The following IFT70B variants were observed in gnomAD, a reference collection of about 807,000 sequenced individuals.
IFT70B encodes intraflagellar transport protein 70B.
At chr2:177,550,396 TTATTTA>T in the IFT70B span, 3 of 160,796 alleles carry the variant, frequency 1.9e-5, no homozygotes, top group Non-Finnish European at 4.0e-5. Context: ...CCTGAAATGA[TTATTTA>T]AAGACTACTC....
chr2:177,550,912 G>A, the IFT70B span: 1 of 1,614,096 alleles, frequency 6.2e-7, no homozygotes, highest in East Asian at 2.2e-5. Context: ...AGTTCACAGT[G>A]TTCTAGAAAC....
chr2:177,551,186 C>G, the IFT70B span: 1 of 1,613,780 alleles, frequency 6.2e-7, no homozygotes, highest in Non-Finnish European at 8.5e-7. Flanking sequence ...GCTCTTCCTC[C>G]TTTTCAATCT....
the IFT70B span, chr2:177,551,548 C>A: frequency 6.2e-7 from 1 of 1,614,232 alleles, no homozygotes; most frequent in South Asian, 1.1e-5. Flanking sequence ...ATAGCTTCAT[C>A]ATCTCTATTG....
At chr2:177,551,914 C>T in the IFT70B span, 28 of 1,614,092 alleles carry the variant, frequency 1.7e-5, no homozygotes, top group South Asian at 2.3e-4. Context: ...GGGTCCAACT[C>T]TTCCTCTGCC....
chr2:177,550,577 G>A, the IFT70B span: 2 of 490,378 alleles, frequency 4.1e-6, no homozygotes, highest in Non-Finnish European at 6.9e-6. Context: ...CATAACTCCT[G>A]GGGTAAAAGT....
chr2:177,551,233 T>C, the IFT70B span: 1 of 1,613,888 alleles, frequency 6.2e-7, no homozygotes, highest in Non-Finnish European at 8.5e-7. Context: ...TTTTGACTTG[T>C]CATAATATAG....
the IFT70B span, chr2:177,551,582 G>C: frequency 3.7e-6 from 6 of 1,614,100 alleles, no homozygotes; most frequent in Non-Finnish European, 5.1e-6. Flanking sequence ...GTACTTGTAT[G>C]GTAAGTTTCC....
chr2:177,550,823 T>C, the IFT70B span: 1 of 1,614,098 alleles, frequency 6.2e-7, no homozygotes, highest in Admixed American at 1.7e-5. Flanking sequence ...TAGACTCATA[T>C]GTGACTGTAT....
At chr2:177,551,715 A>G in the IFT70B span, 159 of 1,614,024 alleles carry the variant, frequency 9.9e-5, no homozygotes, top group Admixed American at 9.5e-4. Context: ...GAACTTATAA[A>G]TCAAATGGGC....
chr2:177,552,282 C>T, the IFT70B span: 855 of 1,614,248 alleles, frequency 5.3e-4, 4 homozygotes, highest in African/African-American at 0.01. Context: ...GAGCAAACAA[C>T]CCAGGTTGAT....
the IFT70B span, chr2:177,551,650 G>A: frequency 3.0e-5 from 48 of 1,614,100 alleles, no homozygotes; most frequent in African/African-American, 5.5e-4. Flanking sequence ...GCCTCTTCAG[G>A]AGCTGTCTGG....
chr2:177,552,122 A>C, the IFT70B span: 1 of 1,614,232 alleles, frequency 6.2e-7, no homozygotes, highest in Middle Eastern at 1.6e-4. Flanking sequence ...CACGCTCAAT[A>C]ATCTCAGCGA....
the IFT70B span, chr2:177,551,152 T>C: frequency 6.2e-7 from 1 of 1,614,124 alleles, no homozygotes; most frequent in Non-Finnish European, 8.5e-7. Flanking sequence ...TACATTTTCT[T>C]ATCTGGGTCA....
chr2:177,549,724 A>G, the IFT70B span: 1 of 152,234 alleles, frequency 6.6e-6, no homozygotes, highest in Non-Finnish European at 1.5e-5. Flanking sequence ...GGAACTCCAA[A>G]TAACTCTTGG....
the IFT70B span, chr2:177,550,662 G>T: frequency 2.8e-6 from 3 of 1,074,588 alleles, no homozygotes; most frequent in South Asian, 1.7e-5. Flanking sequence ...ATGCATAAGT[G>T]TACAAAGTTC....
the IFT70B span, chr2:177,552,659 G>GC: frequency 1.3e-6 from 2 of 1,590,256 alleles, no homozygotes; most frequent in South Asian, 2.3e-5. Context: ...GCAGTTCTCC[G>GC]CCCAGCAGCT....
chr2:177,549,460 G>T, the IFT70B span: 1 of 152,174 alleles, frequency 6.6e-6, no homozygotes, highest in African/African-American at 2.4e-5. Flanking sequence ...TATGGCAGAG[G>T]TTCCCTATCA....
At chr2:177,549,932 T>G in the IFT70B span, 1 of 152,204 alleles carries the variant, frequency 6.6e-6, no homozygotes, top group East Asian at 1.9e-4. Context: ...TCCCAGCTAC[T>G]TGGGAAGCTG....
the IFT70B span, chr2:177,551,008 CATA>C: frequency 1.2e-6 from 2 of 1,614,150 alleles, no homozygotes; most frequent in Non-Finnish European, 1.7e-6. Flanking sequence ...CATCTTTTGG[CATA>C]ATACCAGGTG....
Sources: gnomAD v4.1 joint callset for allele counts on GRCh38, gnomAD v4.1.1 for gene constraint, MANE v1.5 for transcripts, NCBI Gene and HGNC (gene_info 2026-07-23, HGNC 2026-07-21) for gene names.